Variants in TRAK1 observed in about 807,000 individuals in gnomAD.
TRAK1 encodes the protein trafficking kinesin protein 1.
TRAK1 carries 33 observed loss-of-function variants against 92.1 expected under a neutral mutation model. That is an observed-to-expected ratio of 0.36 (90% CI 0.27 to 0.48). TRAK1 has a LOEUF of 0.48. Ranked by LOEUF, TRAK1 falls within the 20% of genes least tolerant of loss-of-function variation. The pLI is 0.99. For synonymous variants in TRAK1, 521 were observed against 517.3 expected (o/e 1.01, Z -0.10); for missense variants, 1,123 against 1,257.9 (o/e 0.89, Z 1.62).
chr3:42,210,402 CTAAA>C, intron 14 of TRAK1: 1 of 1,107,554 alleles, frequency 9.0e-7, no homozygotes, highest in Non-Finnish European at 1.1e-6. Context: ...GGAAAGGCTG[CTAAA>C]AAAAAAAAAA....
rs1014846741 is a variant in TRAK1, at chr3:42,193,104, T to G, written c.799T>G (p.Ser267Ala). 4.2e-5 allele frequency: 67 copies of G among 1,614,062 alleles called. No homozygotes were observed. Among genetic ancestry groups the G allele is most frequent in the Non-Finnish European group, 4.7e-5 (56 of 1,180,018 alleles). Reference sequence around the variant, plus strand: ...TGCCAATGTCCAGATTGCTAGTATCTCAGAGGAACTGGCCAAGAAGACGGA... The same window carrying G: ...TGCCAATGTCCAGATTGCTAGTATCGCAGAGGAACTGGCCAAGAAGACGGA... The part of the protein sequence containing the change: ...RDANVQIASI[S>A]EELAKKTEDA... Residue 267 changes from serine (S) to alanine (A), a missense_variant, in exon 8 of 16, where the codon TCA becomes GCA. This residue lies in a region of TRAK1 where 686 missense variants were observed against 747.6 expected (regional missense o/e 0.92). Coordinates refer to ENST00000327628, the MANE Select transcript of TRAK1 (RefSeq NM_001042646.3).
At chr3:42,212,706 T>C (rs1187585065) in intron 14 of TRAK1, 11 of 414,964 alleles carry the variant, frequency 2.7e-5, no homozygotes, top group Non-Finnish European at 3.2e-5. Flanking sequence ...GAACTAGTTA[T>C]CATCTTTTTC....
intron 1 of TRAK1, among the ~76,000 whole-genome samples, 163 bp from the exon 2 acceptor site, chr3:42,125,257 C>A (rs1372493552): frequency 1.3e-5 from 2 of 152,198 alleles, no homozygotes; most frequent in African/African-American, 4.8e-5. Context: ...AGTTTTGAGA[C>A]TAGAATTTAA....
intron 2 of TRAK1, among the ~76,000 whole-genome samples, chr3:42,157,457 CAAA>C (rs60622565): frequency 0.11 from 3,276 of 30,006 alleles, 1 homozygote; most frequent in South Asian, 0.17. Context: ...GACCCTGTCT[CAAA>C]AAAAAAAAAA....
intron 13 of TRAK1, chr3:42,203,046 A>T (rs1219994198): frequency 3.0e-5 from 37 of 1,239,482 alleles, no homozygotes; most frequent in Admixed American, 4.1e-5. Flanking sequence ...GAACCTTAGA[A>T]ATAAAAACTT....
At chr3:42,061,317 C>T (rs1187737612) in intron 1 of TRAK1, among the ~76,000 whole-genome samples, 41 of 131,112 alleles carry the variant, frequency 3.1e-4, no homozygotes, top group South Asian at 1.1e-3. Flanking sequence ...ACCTCCCCCA[C>T]GCACACCCCC....
chr3:42,176,273 A>G (rs1052021027), intron 2 of TRAK1, among the ~76,000 whole-genome samples: 6 of 152,204 alleles, frequency 3.9e-5, no homozygotes, highest in African/African-American at 7.2e-5. Context: ...AGCTGGTTGC[A>G]TAACCTTAGA....
intron 1 of TRAK1, among the ~76,000 whole-genome samples, chr3:42,059,963 T>A (rs1275238288): frequency 6.6e-6 from 1 of 152,252 alleles, no homozygotes; most frequent in Non-Finnish European, 1.5e-5. Context: ...TACAGGTACA[T>A]AGCAATTCTG....
At chr3:42,192,214 T>A (rs1705868040) in intron 7 of TRAK1, among the ~76,000 whole-genome samples, 1 of 152,170 alleles carries the variant, frequency 6.6e-6, no homozygotes, top group Admixed American at 6.5e-5. Flanking sequence ...AATATTGGAA[T>A]TTTTTAATGC....
chr3:42,149,678 T>G (rs1308186806), intron 2 of TRAK1: 17 of 1,517,122 alleles, frequency 1.1e-5, no homozygotes, highest in Non-Finnish European at 1.4e-5. Flanking sequence ...TCCTGAAACC[T>G]TTAGGGGAGA....
intron 13 of TRAK1, among the ~76,000 whole-genome samples, chr3:42,205,402 T>C (rs1017964847): frequency 1.3e-5 from 2 of 152,236 alleles, no homozygotes; most frequent in African/African-American, 4.8e-5. Context: ...GTGTTTTCCA[T>C]CTGGCTCCGT....
intron 1 of TRAK1, among the ~76,000 whole-genome samples, chr3:42,095,203 T>G (rs1705724031): frequency 6.6e-6 from 1 of 152,200 alleles, no homozygotes; most frequent in Non-Finnish European, 1.5e-5. Context: ...CCTGGCAGGT[T>G]TCCAAGTGTG....
At chr3:42,114,442 T>G (rs2149090695) in intron 1 of TRAK1, among the ~76,000 whole-genome samples, 1 of 152,390 alleles carries the variant, frequency 6.6e-6, no homozygotes, top group East Asian at 1.9e-4. Context: ...AACATGCTTA[T>G]GAATTTTACA....
chr3:42,123,552 G>A (rs1414820709), intron 1 of TRAK1, among the ~76,000 whole-genome samples: 1 of 152,256 alleles, frequency 6.6e-6, no homozygotes, highest in Non-Finnish European at 1.5e-5. Context: ...GTGCAGACAT[G>A]CACGCATGTG....
chr3:42,201,283 ATC>A (rs1354774298), intron 12 of TRAK1, among the ~76,000 whole-genome samples: 1 of 152,002 alleles, frequency 6.6e-6, no homozygotes, highest in East Asian at 1.9e-4. Context: ...ACATTGCAAA[ATC>A]CCATGTCTAC....
chr3:42,047,922 C>CTTTTTTT (rs11422406), intron 1 of TRAK1, among the ~76,000 whole-genome samples: 18 of 129,206 alleles, frequency 1.4e-4, no homozygotes, highest in Non-Finnish European at 2.3e-4. Context: ...AGTTTCTTTT[C>CTTTTTTT]TTTTTTTTTT....
intron 6 of TRAK1, 87 bp downstream of exon 6, chr3:42,189,211 C>A: frequency 1.0e-6 from 1 of 990,112 alleles, no homozygotes. Flanking sequence ...GGTTAAGTGC[C>A]CTCCTCAAAG....
chr3:42,155,186 G>A (rs1472854682), intron 2 of TRAK1, among the ~76,000 whole-genome samples: 1 of 152,022 alleles, frequency 6.6e-6, no homozygotes, highest in Non-Finnish European at 1.5e-5. Context: ...TGAGACAAAG[G>A]AAAACGGGTT....
Position 42,210,774 on chromosome 3 carries a change from C to A in TRAK1, c.1963+789C>A, listed in dbSNP as rs1232260166. ...AATACTCCTTAACCAAATAAACCTT[C>A]GGAGAACGTCACTAAGCTTTTCCAG... is the stretch of plus-strand genomic sequence containing the variant. On this transcript the variant is annotated intron_variant, in intron 14 of 15. Coordinates refer to ENST00000327628, the MANE Select transcript of TRAK1 (RefSeq NM_001042646.3). 3 of 985,348 alleles carry A rather than the reference C, an allele frequency of 3.0e-6. No individual in the cohort carries two copies. The African/African-American group carries it at 5.2e-5, about 17-fold the overall frequency. The allele number at this position is 985,348 out of a possible 1,614,324, so 61.0% of individuals were successfully genotyped here.
Sources: allele counts gnomAD v4.1 joint callset (sites outside exome capture counted in the v4.1 genomes callset), GRCh38; gene constraint gnomAD v4.1.1; regional missense constraint gnomAD v4.1.1; transcripts MANE v1.5; gene names NCBI Gene and HGNC (gene_info 2026-07-23, HGNC 2026-07-21).